The following COL25A1 variants were observed in gnomAD, a reference collection of about 807,000 sequenced individuals.
The protein encoded by COL25A1 is collagen type XXV alpha 1 chain, also known as collagen alpha-1(XXV) chain.
COL25A1 carries 103 observed loss-of-function variants against 128.4 expected under a neutral mutation model. The observed-to-expected ratio is 0.80, with a 90% CI of 0.68 to 0.94. COL25A1 has a LOEUF of 0.94. Among genes scored for constraint, COL25A1 ranks in the 40% least tolerant of loss-of-function variants. The pLI, the probability that COL25A1 is intolerant of heterozygous loss-of-function variation, is 0.00. For synonymous variants in COL25A1, 279 were observed against 277.2 expected (o/e 1.01, Z -0.06); for missense variants, 745 against 840.0 (o/e 0.89, Z 1.40).
At chr4:109,122,102 T>C (rs557989872) in intron 3 of COL25A1, among the ~76,000 whole-genome samples, 3 of 152,162 alleles carry the variant, frequency 2.0e-5, no homozygotes, top group East Asian at 3.9e-4. Flanking sequence ...AAAAGATTAG[T>C]AGCTGCCAAG....
In COL25A1 at chr4:109,014,417, C is replaced by G. The variant is rs545766372; in HGVS notation, c.421-4042G>C. On this transcript the variant is annotated intron_variant, in intron 5 of 37. Coordinates refer to ENST00000399132, the MANE Select transcript of COL25A1 (RefSeq NM_198721.4). ...CAGGATTCTCTAAAATCAGGAAGAA[C>G]TTCTTCAAATGAAAAATTTGTTTAG... is the stretch of plus-strand genomic sequence containing the variant. 5.3e-5 allele frequency among the ~76,000 whole-genome samples: 6 copies of G among 114,226 alleles called. No homozygotes were observed. The East Asian group carries it at 1.9e-3, about 36-fold the overall frequency. The allele number at this position is 114,226 out of a possible 152,430, so 74.9% of individuals were successfully genotyped here.
intron 5 of COL25A1, among the ~76,000 whole-genome samples, chr4:109,013,749 G>A (rs1226704597): frequency 2.0e-5 from 3 of 152,074 alleles, no homozygotes; most frequent in Admixed American, 6.6e-5. Flanking sequence ...GCGAGACCAC[G>A]AACCCAACCG....
chr4:108,980,491 G>A (rs1752866539), intron 6 of COL25A1, among the ~76,000 whole-genome samples: 1 of 152,194 alleles, frequency 6.6e-6, no homozygotes, highest in African/African-American at 2.4e-5. Flanking sequence ...ACAGCCAAGT[G>A]AATCAAATAG....
rs1229609489 is a variant in COL25A1 at position 109,301,740 on chromosome 4, C to T, written c.280G>A (p.Glu94Lys). ...TCTCACACCTGAGCCAGAAGTCGCT[C>T]CACTTTCTCTTGCACCATAGTCTTG... Reference protein sequence around the residue: ...HLKTMVQEKVERLLAQKSYEH... With the variant: ...HLKTMVQEKVKRLLAQKSYEH... Residue 94 changes from glutamate to lysine, a missense_variant, in exon 2 of 38, where the codon GAG (glutamate) becomes AAG (lysine). Glu to Lys is a moderately conservative substitution (Grantham distance 56). Coordinates refer to ENST00000399132, the MANE Select transcript of COL25A1 (RefSeq NM_198721.4). 6.2e-7 allele frequency: 1 copy of T among 1,613,112 alleles called. No homozygotes were observed. Among genetic ancestry groups the T allele is most frequent in the South Asian group, 1.1e-5 (1 of 91,054 alleles).
At chr4:109,088,000 T>C (rs1764561297) in intron 3 of COL25A1, among the ~76,000 whole-genome samples, 3 of 151,462 alleles carry the variant, frequency 2.0e-5, no homozygotes, top group Admixed American at 2.0e-4. Context: ...TCTGTGGTAA[T>C]GAATGGACTC....
chr4:108,948,713 T>C (rs958483639), intron 8 of COL25A1, among the ~76,000 whole-genome samples: 2 of 152,166 alleles, frequency 1.3e-5, no homozygotes, highest in Admixed American at 6.6e-5. Context: ...TCTTTTTATA[T>C]GTCGATGATA....
Position 109,288,962 on chromosome 4 carries a change from T to TATACACAC in COL25A1, c.367+11620_367+11621insGTGTGTAT, listed in dbSNP as rs1021982305. ...ACTACCAGGAATACTAAATTATATA[T>TATACACAC]ACACACACACACACACACACACACA... On this transcript the variant is annotated intron_variant, in intron 3 of 37. Transcript: ENST00000399132. Among the ~76,000 whole-genome samples the TATACACAC allele has an allele frequency of 6.0e-3, 807 of 133,554 alleles. 4 individuals carry two copies. Among genetic ancestry groups the TATACACAC allele is most frequent in the African/African-American group, 0.021 (771 of 36,292 alleles). The allele number at this position is 133,554 out of a possible 152,430, so 87.6% of individuals were successfully genotyped here. A position where few individuals can be genotyped will look rare whatever the true frequency, so the allele number is the denominator to read the frequency against.
At chr4:108,985,056 C>T (rs1753528302) in intron 6 of COL25A1, among the ~76,000 whole-genome samples, 1 of 152,182 alleles carries the variant, frequency 6.6e-6, no homozygotes, top group Non-Finnish European at 1.5e-5. Context: ...GTCTGACTCT[C>T]AGGGCTTGTC....
chr4:108,810,188 C>T lies in COL25A1; in HGVS notation c.*3739G>A, dbSNP rs1383602637. On this transcript the variant is annotated 3_prime_UTR_variant, in exon 38 of 38. Transcript: ENST00000399132. ...TTAACTTTTCATGCTTCAATAGTAA[C>T]ATTAAAAAAAAAAACCCTTGGAAAT... is the stretch of plus-strand genomic sequence containing the variant. The T allele has an allele frequency of 1.3e-5, 2 of 149,108 alleles. No homozygotes were observed. The highest frequency in any genetic ancestry group is 4.9e-5 in the African/African-American group (2 of 40,490). The allele number at this position is 149,108 out of a possible 1,614,324, so 9.2% of individuals were successfully genotyped here. A position where few individuals can be genotyped will look rare whatever the true frequency, so the allele number is the denominator to read the frequency against.
intron 18 of COL25A1, among the ~76,000 whole-genome samples, chr4:108,887,301 AGCATGGT>A (rs1244079493): frequency 6.6e-6 from 1 of 152,172 alleles, no homozygotes. Context: ...ATGAACCCCC[AGCATGGT>A]TCTGCAATGG....
intron 37 of COL25A1, among the ~76,000 whole-genome samples, chr4:108,815,750 T>C (rs1434981749): frequency 6.6e-6 from 1 of 152,132 alleles, no homozygotes; most frequent in Non-Finnish European, 1.5e-5. Flanking sequence ...GCCCATTTCA[T>C]GAACCAAAAA....
chr4:108,905,873 G>A (rs1393661396), intron 13 of COL25A1, among the ~76,000 whole-genome samples: 6 of 151,678 alleles, frequency 4.0e-5, no homozygotes, highest in Admixed American at 2.6e-4. Flanking sequence ...GGGGGGAGGC[G>A]TGGAGAGACT....
chr4:109,012,042 T>C (rs1257982821), intron 5 of COL25A1, among the ~76,000 whole-genome samples: 13 of 152,232 alleles, frequency 8.5e-5, no homozygotes, highest in Admixed American at 8.5e-4. Context: ...TTATAGGGTC[T>C]CACTCTGTTG....
intron 3 of COL25A1, among the ~76,000 whole-genome samples, chr4:109,149,945 T>G (rs1001294919): frequency 2.7e-5 from 4 of 149,802 alleles, no homozygotes; most frequent in African/African-American, 9.8e-5. Context: ...TGTATGTATG[T>G]GTGTGTGTGT....
At chr4:109,020,938 T>C (rs1422525967) in intron 5 of COL25A1, among the ~76,000 whole-genome samples, 4 of 152,230 alleles carry the variant, frequency 2.6e-5, no homozygotes, top group African/African-American at 9.6e-5. Context: ...CTTACAACTT[T>C]TTGACTTTCA....
At chr4:109,216,569 C>G (rs6843241) in intron 3 of COL25A1, among the ~76,000 whole-genome samples, 13,114 of 152,014 alleles carry the variant, frequency 0.086, 1,176 homozygotes, top group African/African-American at 0.23. Context: ...CAGACACACA[C>G]AAAAGGAGGA....
At chr4:109,109,797 G>A (rs972768737) in intron 3 of COL25A1, among the ~76,000 whole-genome samples, 1 of 152,164 alleles carries the variant, frequency 6.6e-6, no homozygotes, top group Non-Finnish European at 1.5e-5. Flanking sequence ...CATGTGAGCA[G>A]TTCCAGAACC....
At chr4:109,007,841 A>G (rs1724463) in intron 6 of COL25A1, among the ~76,000 whole-genome samples, 77,952 of 151,940 alleles carry the variant, frequency 0.51, 22,829 homozygotes, top group African/African-American at 0.78. Flanking sequence ...CTTAGCCACC[A>G]TCATCCACGG....
At chr4:109,219,532 C>T (rs1778273497) in intron 3 of COL25A1, among the ~76,000 whole-genome samples, 1 of 150,766 alleles carries the variant, frequency 6.6e-6, no homozygotes, top group African/African-American at 2.5e-5. Context: ...CTGCCACACT[C>T]CCAATCTCTG....
Sources: gnomAD v4.1 joint callset for allele counts (sites outside exome capture counted in the v4.1 genomes callset) on GRCh38, gnomAD v4.1.1 for gene constraint, MANE v1.5 for transcripts, NCBI Gene and HGNC (gene_info 2026-07-23, HGNC 2026-07-21) for gene names.